LRRC4C: variants seen among roughly 807,000 people sequenced by gnomAD.
LRRC4C encodes leucine-rich repeat-containing protein 4C.
In LRRC4C, 5 loss-of-function variants were observed where a neutral mutation model predicts 33.6. The observed-to-expected ratio is 0.15, with a 90% CI of 0.08 to 0.31. The LOEUF (loss-of-function observed/expected upper bound fraction) is 0.31, where lower values mean the gene tolerates loss of function less well. Ranked by LOEUF, LRRC4C falls within the 10% of genes least tolerant of loss-of-function variation. The probability of loss-of-function intolerance (pLI) is 1.00; values close to 1 mark genes in which losing one functional copy is unlikely to be tolerated. For synonymous variants in LRRC4C, 329 were observed against 302.0 expected (o/e 1.09, Z -0.93); for missense variants, 560 against 796.7 (o/e 0.70, Z 3.58).
rs576142668 is a variant in LRRC4C, at chr11:40,126,083, T to A, written c.-42-9749A>T. Among the ~76,000 whole-genome samples the A allele has an allele frequency of 9.4e-4, 142 of 150,388 alleles. 1 individual carries two copies. The highest frequency in any genetic ancestry group is 3.4e-3 in the African/African-American group (141 of 41,360). On this transcript the variant is annotated intron_variant, in intron 6 of 6. Transcript: ENST00000528697. ...TAACCCAGTGAATCAACCTGTCAAG[T>A]TAACAAGCAGCTGTTTGGCTAAACA...
At chr11:41,174,908 T>C (rs750594574) in intron 1 of LRRC4C, among the ~76,000 whole-genome samples, 2 of 152,100 alleles carry the variant, frequency 1.3e-5, no homozygotes, top group Non-Finnish European at 2.9e-5. Context: ...CTCACTTTAA[T>C]ATTATATATC....
intron 3 of LRRC4C, among the ~76,000 whole-genome samples, chr11:40,488,404 C>T (rs11035863): frequency 0.13 from 19,367 of 151,964 alleles, 1,406 homozygotes; most frequent in African/African-American, 0.18. Flanking sequence ...ACTCAGGTCA[C>T]GAGACAACAC....
At chr11:41,188,444 A>T (rs145536888) in intron 1 of LRRC4C, among the ~76,000 whole-genome samples, 23 of 152,218 alleles carry the variant, frequency 1.5e-4, no homozygotes, top group African/African-American at 5.3e-4. Context: ...GAGCCTTCGG[A>T]GTTAGACTAC....
At chr11:41,056,672 C>A (rs183841371) in intron 1 of LRRC4C, among the ~76,000 whole-genome samples, 231 of 152,240 alleles carry the variant, frequency 1.5e-3, no homozygotes, top group African/African-American at 5.3e-3. Context: ...TGCTCGATAC[C>A]ACTAATCATT....
chr11:41,138,800 A>G (rs1943376326), intron 1 of LRRC4C, among the ~76,000 whole-genome samples: 1 of 152,204 alleles, frequency 6.6e-6, no homozygotes, highest in Non-Finnish European at 1.5e-5. Flanking sequence ...TAATCTATAA[A>G]ATAATTACTA....
At position 40,567,114 on chromosome 11, in the gene LRRC4C, T is replaced by C. The variant is rs975395773; in HGVS notation, c.-270+81028A>G. 5.9e-5 allele frequency among the ~76,000 whole-genome samples: 9 copies of C among 152,184 alleles called. No individual in the cohort carries two copies. The East Asian group carries it at 1.2e-3, about 20-fold the overall frequency. On this transcript the variant is annotated intron_variant, in intron 3 of 6. Coordinates refer to ENST00000528697, the MANE Select transcript of LRRC4C (RefSeq NM_001258419.2). ...TCTATTGAGTGTGTATTATGTGGAA[T>C]ATACTAACTAAATATAAGAGATTAA...
At chr11:40,683,747 G>A (rs1291429830) in intron 2 of LRRC4C, among the ~76,000 whole-genome samples, 3 of 152,148 alleles carry the variant, frequency 2.0e-5, no homozygotes, top group Non-Finnish European at 4.4e-5. Context: ...GCAAAAAGTT[G>A]CAGCCCCACT....
intron 1 of LRRC4C, among the ~76,000 whole-genome samples, chr11:41,158,513 C>T: frequency 6.6e-6 from 1 of 152,108 alleles, no homozygotes; most frequent in East Asian, 1.9e-4. Flanking sequence ...GTGCTATTAA[C>T]TCAGCCAAAC....
intron 2 of LRRC4C, among the ~76,000 whole-genome samples, chr11:40,847,130 A>AT (rs1953221168): frequency 2.6e-5 from 4 of 152,140 alleles, no homozygotes; most frequent in Admixed American, 2.6e-4. Flanking sequence ...CTATTTGAAT[A>AT]CCTTTCTTTC....
intron 3 of LRRC4C, among the ~76,000 whole-genome samples, chr11:40,571,370 T>C (rs1957977066): frequency 6.6e-6 from 1 of 152,158 alleles, no homozygotes; most frequent in African/African-American, 2.4e-5. Context: ...AATTTCACTG[T>C]TGAATAATAG....
Position 40,808,515 on chromosome 11 carries a change from A to T in LRRC4C, c.-407+125120T>A, listed in dbSNP as rs556113149. Among the ~76,000 whole-genome samples, 53 of 151,904 alleles carry T rather than the reference A, an allele frequency of 3.5e-4. 1 individual carries two copies. The South Asian group carries it at 0.011, about 31-fold the overall frequency. ...ATTTTTGTTTTACTATTTATATTTT[A>T]TTTTCTTCTCTCTTTCTCTCTCCTG... is the stretch of plus-strand genomic sequence containing the variant. On this transcript the variant is annotated intron_variant, in intron 2 of 6. Coordinates refer to ENST00000528697, the MANE Select transcript of LRRC4C (RefSeq NM_001258419.2).
At chr11:41,297,147 G>A (rs1950166258) in intron 1 of LRRC4C, among the ~76,000 whole-genome samples, 1 of 152,092 alleles carries the variant, frequency 6.6e-6, no homozygotes, top group Non-Finnish European at 1.5e-5. Context: ...TGATCATGTG[G>A]TTTTTATTTT....
At chr11:41,244,561 G>C (rs1405256500) in intron 1 of LRRC4C, among the ~76,000 whole-genome samples, 1 of 152,140 alleles carries the variant, frequency 6.6e-6, no homozygotes, top group Admixed American at 6.5e-5. Flanking sequence ...AAAGAATGAA[G>C]GTGGCAATTG....
chr11:40,632,596 C>A (rs571702480), intron 3 of LRRC4C, among the ~76,000 whole-genome samples: 1 of 152,204 alleles, frequency 6.6e-6, no homozygotes, highest in Admixed American at 6.5e-5. Flanking sequence ...TTAAATGTAG[C>A]TTTAAATACT....
intron 2 of LRRC4C, among the ~76,000 whole-genome samples, chr11:40,854,677 T>A (rs1953686737): frequency 6.6e-6 from 1 of 151,624 alleles, no homozygotes; most frequent in African/African-American, 2.4e-5. Flanking sequence ...ACATTAAAAA[T>A]ATGTTTGTGT....
intron 3 of LRRC4C, among the ~76,000 whole-genome samples, chr11:40,408,312 A>G (rs1950032682): frequency 6.6e-6 from 1 of 152,048 alleles, no homozygotes; most frequent in African/African-American, 2.4e-5. Flanking sequence ...TATACATTTA[A>G]TTAAATTGCA....
chr11:40,972,136 A>AT (rs3075563), intron 1 of LRRC4C, among the ~76,000 whole-genome samples: 35,855 of 137,856 alleles, frequency 0.26, 4,883 homozygotes, highest in East Asian at 0.33. Context: ...GGAAGCCATA[A>AT]TTTTTTTTTT....
chr11:40,188,391 A>AT (rs1337603567), intron 5 of LRRC4C, among the ~76,000 whole-genome samples: 9 of 152,352 alleles, frequency 5.9e-5, no homozygotes, highest in Admixed American at 2.0e-4. Flanking sequence ...AAGTAATGAA[A>AT]TTTTTAGTAA....
At chr11:40,849,530 C>T (rs1184868751) in intron 2 of LRRC4C, among the ~76,000 whole-genome samples, 1 of 152,140 alleles carries the variant, frequency 6.6e-6, no homozygotes, top group Non-Finnish European at 1.5e-5. Context: ...TGATGGGCTT[C>T]TTTTTGTGGG....
Sources: gnomAD v4.1 joint callset for allele counts (sites outside exome capture counted in the v4.1 genomes callset) on GRCh38, gnomAD v4.1.1 for gene constraint, MANE v1.5 for transcripts, NCBI Gene and HGNC (gene_info 2026-07-23, HGNC 2026-07-21) for gene names.